The following HYCC2 variants were observed in gnomAD, a reference collection of about 807,000 sequenced individuals.
HYCC2 encodes hyccin 2.
the HYCC2 span, chr2:201,011,348 C>T: frequency 3.6e-6 from 4 of 1,124,722 alleles, no homozygotes; most frequent in Non-Finnish European, 5.1e-6. Flanking sequence ...TGATTTGTTA[C>T]TCAATATAAT....
the HYCC2 span, among the ~76,000 whole-genome samples, chr2:200,984,246 C>T: frequency 6.6e-6 from 1 of 152,022 alleles, no homozygotes; most frequent in Non-Finnish European, 1.5e-5. Flanking sequence ...TGCCATGTTG[C>T]CCAGGCTGGT....
At chr2:200,998,007 G>A in the HYCC2 span, among the ~76,000 whole-genome samples, 24 of 152,324 alleles carry the variant, frequency 1.6e-4, no homozygotes, top group African/African-American at 5.1e-4. Flanking sequence ...CTGCACTCCA[G>A]CCCGGGCAAC....
chr2:201,024,362 A>C, the HYCC2 span, among the ~76,000 whole-genome samples: 2 of 152,000 alleles, frequency 1.3e-5, no homozygotes, highest in African/African-American at 4.8e-5. Flanking sequence ...GGTGGCGTGC[A>C]CATCCAGTCC....
the HYCC2 span, among the ~76,000 whole-genome samples, chr2:201,069,573 CACACACA>C: frequency 6.8e-6 from 1 of 147,610 alleles, no homozygotes; most frequent in Non-Finnish European, 1.5e-5. Flanking sequence ...CACACACACA[CACACACA>C]CACACACACG....
chr2:201,008,974 G>A, the HYCC2 span: 8 of 1,590,024 alleles, frequency 5.0e-6, no homozygotes, highest in East Asian at 2.2e-5. Flanking sequence ...GACCATTACC[G>A]GTTCTGTGCA....
At chr2:200,981,443 C>T in the HYCC2 span, 1 of 1,614,190 alleles carries the variant, frequency 6.2e-7, no homozygotes, top group Non-Finnish European at 8.5e-7. The surrounding 1 kb of genome is among the most constrained non-coding windows in gnomAD (Gnocchi z 4.5). Flanking sequence ...GTACCTCCCT[C>T]AGTGCCAACC....
chr2:201,040,667 T>G, the HYCC2 span, among the ~76,000 whole-genome samples: 2 of 152,044 alleles, frequency 1.3e-5, no homozygotes, highest in Non-Finnish European at 2.9e-5. Context: ...TTATTTTTAG[T>G]ACAGATGGGG....
the HYCC2 span, chr2:201,011,592 T>C: frequency 1.9e-5 from 11 of 570,806 alleles, no homozygotes; most frequent in Non-Finnish European, 3.2e-5. Flanking sequence ...GAAACAGTAA[T>C]GTATAAAAAC....
the HYCC2 span, among the ~76,000 whole-genome samples, chr2:201,015,637 A>T: frequency 6.6e-6 from 1 of 152,154 alleles, no homozygotes; most frequent in Admixed American, 6.6e-5. Context: ...ATATAATACA[A>T]TTCTTCTGTT....
At chr2:200,997,519 G>A in the HYCC2 span, 9 of 1,612,940 alleles carry the variant, frequency 5.6e-6, no homozygotes, top group Non-Finnish European at 6.8e-6. Context: ...AACACAGCAT[G>A]AGAAAACTCA....
chr2:201,011,506 A>ACGGCGTC, the HYCC2 span: 1 of 1,091,370 alleles, frequency 9.2e-7, no homozygotes. Context: ...ATAATGAAAT[A>ACGGCGTC]ATCACAGATC....
the HYCC2 span, among the ~76,000 whole-genome samples, chr2:200,987,101 C>G: frequency 6.6e-6 from 1 of 152,294 alleles, no homozygotes; most frequent in Non-Finnish European, 1.5e-5. Context: ...AGACAGGACC[C>G]TGCCTTGTTA....
At chr2:201,043,799 C>T in the HYCC2 span, among the ~76,000 whole-genome samples, 5 of 152,116 alleles carry the variant, frequency 3.3e-5, no homozygotes, top group Admixed American at 6.5e-5. Context: ...TGAGCCACCG[C>T]GCCTGGCCAA....
At chr2:200,982,790 T>G in the HYCC2 span, among the ~76,000 whole-genome samples, 1 of 151,638 alleles carries the variant, frequency 6.6e-6, no homozygotes, top group African/African-American at 2.4e-5. Context: ...ACAGTCTTGC[T>G]CTGTCACCCA....
chr2:201,061,634 T>A, the HYCC2 span, among the ~76,000 whole-genome samples: 53 of 151,726 alleles, frequency 3.5e-4, no homozygotes, highest in African/African-American at 1.0e-3. Context: ...ATAGTTTTTT[T>A]TTTTTTATTT....
the HYCC2 span, chr2:201,063,790 T>G: frequency 5.0e-6 from 8 of 1,591,044 alleles, no homozygotes; most frequent in East Asian, 1.6e-4. Flanking sequence ...GCCGTGGTGG[T>G]GGTGGATATG....
chr2:200,981,753 A>T, the HYCC2 span: 2 of 1,614,122 alleles, frequency 1.2e-6, no homozygotes, highest in Admixed American at 3.3e-5. The surrounding 1 kb of genome is among the most constrained non-coding windows in gnomAD (Gnocchi z 4.5). Context: ...TTCCCCTCTG[A>T]GAAGAGGAGG....
the HYCC2 span, chr2:200,977,983 G>A: frequency 2.6e-5 from 4 of 151,984 alleles, no homozygotes; most frequent in African/African-American, 9.7e-5. Flanking sequence ...GGCATACATG[G>A]CACCAACCTA....
chr2:200,990,194 CT>C, the HYCC2 span, among the ~76,000 whole-genome samples: 1 of 152,022 alleles, frequency 6.6e-6, no homozygotes, highest in South Asian at 2.1e-4. Flanking sequence ...TAATGTTGTG[CT>C]TATAATACAT....
Sources: gnomAD v4.1 joint callset for allele counts (sites outside exome capture counted in the v4.1 genomes callset) on GRCh38, gnomAD v4.1.1 for gene constraint, Gnocchi (gnomAD v3.1) non-coding constraint, MANE v1.5 for transcripts, NCBI Gene and HGNC (gene_info 2026-07-23, HGNC 2026-07-21) for gene names.